The following TLK1 variants were observed in gnomAD, a reference collection of about 807,000 sequenced individuals.
The protein encoded by TLK1 is serine/threonine-protein kinase tousled-like 1.
Under a neutral mutation model 105.3 loss-of-function variants are expected in TLK1, and 24 were observed. The ratio of observed to expected loss-of-function variants is 0.23; its 90% CI spans 0.17 to 0.32. The LOEUF is 0.32. TLK1 is among the 10% of genes least tolerant of loss of function. TLK1 has a pLI of 1.00. For missense variants in TLK1, 558 were observed against 910.5 expected (o/e 0.61, Z 4.98); for synonymous variants, 321 against 310.4 (o/e 1.03, Z -0.36).
chr2:171,213,271 G>A (rs1197631629), intron 1 of TLK1, among the ~76,000 whole-genome samples: 2 of 150,796 alleles, frequency 1.3e-5, no homozygotes, highest in Admixed American at 6.6e-5. Context: ...TGACAATCAT[G>A]GCTCACTGCA....
intron 3 of TLK1, chr2:171,081,783 C>T: frequency 1.0e-6 from 1 of 996,972 alleles, no homozygotes; most frequent in Non-Finnish European, 1.4e-6. Context: ...CTGCACAGAA[C>T]TGCACGAAAC....
At chr2:171,042,411 AT>A (rs1160649064) in intron 11 of TLK1, among the ~76,000 whole-genome samples, 21 of 148,238 alleles carry the variant, frequency 1.4e-4, no homozygotes, top group South Asian at 2.2e-4. Flanking sequence ...CACTTGGCTA[AT>A]TTTTTTTTTT....
intron 2 of TLK1, among the ~76,000 whole-genome samples, chr2:171,086,454 C>T (rs528893369): frequency 7.9e-5 from 12 of 152,062 alleles, no homozygotes; most frequent in African/African-American, 2.4e-4. Context: ...AGTGAAACCC[C>T]GTCTCTACTA....
chr2:171,108,784 T>C (rs180981780), intron 2 of TLK1, among the ~76,000 whole-genome samples: 49 of 152,052 alleles, frequency 3.2e-4, no homozygotes, highest in Admixed American at 1.9e-3. Context: ...TTTGTAGAGA[T>C]AGGGTTTCAT....
intron 5 of TLK1, among the ~76,000 whole-genome samples, chr2:171,056,924 T>C (rs959747789): frequency 1.3e-4 from 20 of 152,034 alleles, no homozygotes; most frequent in Non-Finnish European, 2.5e-4. Context: ...TTGAGCCATA[T>C]AGTCCCTAAT....
rs1208669640 is a variant in TLK1 at position 171,160,639 on chromosome 2, GA to G, written c.-212del. The G allele has an allele frequency of 2.9e-6, 2 of 698,284 alleles. No homozygotes were observed. Among genetic ancestry groups the G allele is most frequent in the Admixed American group, 8.3e-5 (2 of 24,120 alleles). The allele number at this position is 698,284 out of a possible 1,614,324, so 43.3% of individuals were successfully genotyped here. ...GGAAGGAGAGGGGACAGGGAGGAGGGAAAGGGGGAGAAGCGAGGGAGCGAGC... is the reference window on the plus strand; with the variant it reads ...GGAAGGAGAGGGGACAGGGAGGAGGGAAGGGGGAGAAGCGAGGGAGCGAGC... On this transcript the variant is annotated 5_prime_UTR_variant, in exon 1 of 21. Transcript: ENST00000431350. This position sits in a 1 kb window ranked among gnomAD's most constrained non-coding sequence, Gnocchi z 4.4.
At chr2:171,060,062 T>C in intron 4 of TLK1, 1 of 1,594,448 alleles carries the variant, frequency 6.3e-7, no homozygotes, top group South Asian at 1.1e-5. Flanking sequence ...GAAAAAACAC[T>C]GAAAGCCAGA....
intron 3 of TLK1, among the ~76,000 whole-genome samples, chr2:171,071,076 G>T (rs1008470407): frequency 6.6e-6 from 1 of 152,076 alleles, no homozygotes; most frequent in African/African-American, 2.4e-5. Context: ...GTCTTCTTTT[G>T]AGAAATGTCT....
chr2:171,121,137 ATGAATAGT>A (rs1432395105), intron 1 of TLK1, among the ~76,000 whole-genome samples: 1 of 152,328 alleles, frequency 6.6e-6, no homozygotes, highest in Middle Eastern at 3.4e-3. Flanking sequence ...ATTTCTACAG[ATGAATAGT>A]GGTGATGGTA....
chr2:170,998,737 T>C (rs141445029), intron 18 of TLK1, among the ~76,000 whole-genome samples: 1 of 152,314 alleles, frequency 6.6e-6, no homozygotes. Context: ...TATTCAAAAT[T>C]ACTATTTTAA....
At position 170,991,961 on chromosome 2, in the gene TLK1, ACC is replaced by A. The variant is rs559533522; in HGVS notation, c.*1817_*1818del. The A allele has an allele frequency of 3.4e-4, 52 of 152,190 alleles. No individual in the cohort carries two copies. The highest frequency in any genetic ancestry group is 1.2e-3 in the African/African-American group (50 of 41,536). 9.4% of individuals were successfully genotyped at this position (152,190 alleles called of 1,614,324 possible). On this transcript the variant is annotated 3_prime_UTR_variant, in exon 21 of 21. Transcript: ENST00000431350. Reference sequence around the variant, plus strand: ...GGAATGGGTATAGCCAGCCCCTTAAACCACTCTTGATGGTTCTAAGTGTTACT... The same window carrying A: ...GGAATGGGTATAGCCAGCCCCTTAAAACTCTTGATGGTTCTAAGTGTTACT...
intron 2 of TLK1, among the ~76,000 whole-genome samples, chr2:171,099,218 A>G (rs1233462278): frequency 2.0e-5 from 3 of 152,256 alleles, no homozygotes; most frequent in African/African-American, 7.2e-5. Flanking sequence ...ATAAAACAGC[A>G]AAGAGCAATG....
intron 1 of TLK1, among the ~76,000 whole-genome samples, chr2:171,211,340 C>T (rs561243765): frequency 6.6e-6 from 1 of 152,156 alleles, no homozygotes; most frequent in African/African-American, 2.4e-5. Context: ...TATATCAAAC[C>T]GTTTGTCACG....
chr2:171,064,884 TG>T (rs1173736507), intron 3 of TLK1, among the ~76,000 whole-genome samples: 1 of 152,198 alleles, frequency 6.6e-6, no homozygotes, highest in Non-Finnish European at 1.5e-5. Flanking sequence ...GAAAGTTTGT[TG>T]AAAAAACACA....
chr2:171,114,746 C>T (rs1255438355), intron 2 of TLK1, among the ~76,000 whole-genome samples: 2 of 151,890 alleles, frequency 1.3e-5, no homozygotes, highest in East Asian at 1.9e-4. Context: ...AAGGTGGGAG[C>T]ATCACCTGAC....
At position 171,056,528 on chromosome 2, in the gene TLK1, T is replaced by G; in HGVS notation, c.492A>C (p.Ile164=). ...GGNGSSPVRG[I]PPAIRSPQNS... ...TTTGAGGAGAACGGATTGCAGGAGG[T>G]ATGCCTCTTACTGGACTTGAGCCAT... Residue 164 remains isoleucine (I), a synonymous_variant, in exon 6 of 21, where the codon ATA becomes ATC. Coordinates refer to ENST00000431350, the MANE Select transcript of TLK1 (RefSeq NM_012290.5). 1.2e-6 allele frequency: 2 copies of G among 1,612,102 alleles called. No individual in the cohort carries two copies. The highest frequency in any genetic ancestry group is 1.7e-6 in the Non-Finnish European group (2 of 1,178,954).
intron 3 of TLK1, among the ~76,000 whole-genome samples, chr2:171,071,221 G>A (rs1688238971): frequency 6.6e-6 from 1 of 151,838 alleles, no homozygotes; most frequent in South Asian, 2.1e-4. Flanking sequence ...TACTCTGTGG[G>A]TTATCTCCTC....
At chr2:171,107,084 C>T (rs1300540480) in intron 2 of TLK1, among the ~76,000 whole-genome samples, 3 of 152,196 alleles carry the variant, frequency 2.0e-5, no homozygotes, top group Non-Finnish European at 4.4e-5. Context: ...ACACTGAATA[C>T]TTTGATGAGT....
intron 1 of TLK1, among the ~76,000 whole-genome samples, chr2:171,192,136 C>A (rs1558986083): frequency 6.6e-6 from 1 of 152,128 alleles, no homozygotes; most frequent in Non-Finnish European, 1.5e-5. Context: ...CCAGGTGATC[C>A]TCCTACCTCA....
Sources: gnomAD v4.1 joint callset for allele counts (sites outside exome capture counted in the v4.1 genomes callset) on GRCh38, gnomAD v4.1.1 for gene constraint, Gnocchi (gnomAD v3.1) non-coding constraint, MANE v1.5 for transcripts, NCBI Gene and HGNC (gene_info 2026-07-23, HGNC 2026-07-21) for gene names.